Variants in HEPACAM observed in about 807,000 individuals in gnomAD.
HEPACAM encodes hepatocyte cell adhesion molecule.
HEPACAM carries 18 observed loss-of-function variants against 38.3 expected under a neutral mutation model. The ratio of observed to expected loss-of-function variants is 0.47; its 90% confidence interval spans 0.33 to 0.70. The LOEUF is 0.70. Ranked by LOEUF, HEPACAM falls within the 30% of genes least tolerant of loss-of-function variation. HEPACAM has a pLI of 0.03. For synonymous variants in HEPACAM, 216 were observed against 243.1 expected (o/e 0.89, Z 1.04); for missense variants, 466 against 563.0 (o/e 0.83, Z 1.74).
In HEPACAM at chr11:124,920,148, C is replaced by G; in HGVS notation, c.*990G>C. ...GGAAGCAATAAGCCTCCTCCTCCCC[C>G]CACCATTTCTCTGGAGATTAGGACT... is the stretch of plus-strand genomic sequence containing the variant. On this transcript the variant is annotated 3_prime_UTR_variant, in exon 7 of 7. Coordinates refer to ENST00000298251, the MANE Select transcript of HEPACAM (RefSeq NM_152722.5). 9.3e-7 allele frequency: 1 copy of G among 1,069,722 alleles called. No homozygotes were observed. Among genetic ancestry groups the G allele is most frequent in the Admixed American group, 2.4e-5 (1 of 40,854 alleles). The allele number at this position is 1,069,722 out of a possible 1,614,324, so 66.3% of individuals were successfully genotyped here.
Position 124,920,274 on chromosome 11 carries a change from G to A in HEPACAM, c.*864C>T. On this transcript the variant is annotated 3_prime_UTR_variant, in exon 7 of 7. Coordinates refer to ENST00000298251, the MANE Select transcript of HEPACAM (RefSeq NM_152722.5). ...GCCAGGAGGAATATATGAGTTTGAT[G>A]AGCTAAAACAGTTCCTCATTTGGTC... 4.0e-6 allele frequency: 4 copies of A among 998,592 alleles called. No individual in the cohort carries two copies. The highest frequency in any genetic ancestry group is 1.7e-5 in the South Asian group (1 of 59,188). The allele number at this position is 998,592 out of a possible 1,614,324, so 61.9% of individuals were successfully genotyped here.
chr11:124,929,623 GA>G (rs1947259439), intron 1 of HEPACAM, among the ~76,000 whole-genome samples: 1 of 152,162 alleles, frequency 6.6e-6, no homozygotes, highest in Admixed American at 6.6e-5. Context: ...TCATAATATA[GA>G]AAGTTTCTCT....
chr11:124,929,868 C>A (rs575198887), intron 1 of HEPACAM, among the ~76,000 whole-genome samples: 5 of 152,202 alleles, frequency 3.3e-5, no homozygotes, highest in African/African-American at 1.2e-4. Flanking sequence ...TTATGTGCTC[C>A]CTTTGCTGGG....
Position 124,920,930 on chromosome 11 carries a change from G to A in HEPACAM, c.*208C>T, listed in dbSNP as rs1947123267. The A allele has an allele frequency of 1.0e-5, 14 of 1,352,168 alleles. No homozygotes were observed. In the South Asian group the frequency reaches 2.3e-4, roughly 23 times the overall value. The allele number at this position is 1,352,168 out of a possible 1,614,324, so 83.8% of individuals were successfully genotyped here. A position where few individuals can be genotyped will look rare whatever the true frequency, so the allele number is the denominator to read the frequency against. On this transcript the variant is annotated 3_prime_UTR_variant, in exon 7 of 7. Coordinates refer to ENST00000298251, the MANE Select transcript of HEPACAM (RefSeq NM_152722.5). ...CACAGCCAGTAAACCGGAAGCAAAT[G>A]CGACCCGGTTTCACCATATCAACAC...
At position 124,920,116 on chromosome 11, in the gene HEPACAM, A is replaced by C. The variant is rs1947106758; in HGVS notation, c.*1022T>G. On this transcript the variant is annotated 3_prime_UTR_variant, in exon 7 of 7. Coordinates refer to ENST00000298251, the MANE Select transcript of HEPACAM (RefSeq NM_152722.5). The stretch of plus-strand genomic sequence containing the variant: ...CAGGGGTTGGATCATGTTCCCCCCA[A>C]ATGCTGGGAAGCAATAAGCCTCCTC... 1.5e-6 allele frequency: 2 copies of C among 1,351,390 alleles called. No homozygotes were observed. The highest frequency in any genetic ancestry group is 1.5e-5 in the African/African-American group (1 of 68,436). 83.7% of individuals were successfully genotyped at this position (1,351,390 alleles called of 1,614,324 possible). A position where few individuals can be genotyped will look rare whatever the true frequency, so the allele number is the denominator to read the frequency against.
rs1223447917 is a variant in HEPACAM at position 124,920,434 on chromosome 11, C to A, written c.*704G>T. 1.0e-5 allele frequency: 16 copies of A among 1,547,458 alleles called. No individual in the cohort carries two copies. The highest frequency in any genetic ancestry group is 1.4e-5 in the Non-Finnish European group (16 of 1,145,768). On this transcript the variant is annotated 3_prime_UTR_variant, in exon 7 of 7. Coordinates refer to ENST00000298251, the MANE Select transcript of HEPACAM (RefSeq NM_152722.5). ...TCCGAGGGAGGCTGTGGGAGGAGGC[C>A]AAGCTGGCAGGCTCGGGTTCTTTGC...
intron 3 of HEPACAM, 45 bp from the exon 4 acceptor site, chr11:124,923,478 G>T: frequency 7.2e-7 from 1 of 1,384,496 alleles, no homozygotes. Flanking sequence ...CTTCAAAGGG[G>T]CAAGATGTGG....
In HEPACAM at chr11:124,925,025, G is replaced by C; in HGVS notation, c.130C>G (p.His44Asp). ...AGAGCCGACTTCCCCACGGTGCCAT[G>C]GATCAGGCGCACGGGGCTGGTGATG... Reference protein sequence around the residue: ...VNITSPVRLIHGTVGKSALLS... With the variant: ...VNITSPVRLIDGTVGKSALLS... Residue 44 changes from histidine (H) to aspartate (D), a missense_variant, in exon 2 of 7, where the codon CAT (histidine) becomes GAT (aspartate). By Grantham distance (81) the His-to-Asp change is moderately conservative (BLOSUM62 -1). Transcript: ENST00000298251. 1 of 1,605,466 alleles carries C rather than the reference G, an allele frequency of 6.2e-7. No individual in the cohort carries two copies. Among genetic ancestry groups the C allele is most frequent in the Non-Finnish European group, 8.5e-7 (1 of 1,173,526 alleles).
At position 124,919,459 on chromosome 11, in the gene HEPACAM, C is replaced by G. The variant is rs959790154; in HGVS notation, c.*1679G>C. The G allele has an allele frequency of 1.4e-5, 6 of 438,542 alleles. No individual in the cohort carries two copies. The highest frequency in any genetic ancestry group is 5.9e-5 in the African/African-American group (3 of 51,228). 27.2% of individuals were successfully genotyped at this position (438,542 alleles called of 1,614,324 possible). A position where few individuals can be genotyped will look rare whatever the true frequency, so the allele number is the denominator to read the frequency against. On this transcript the variant is annotated 3_prime_UTR_variant, in exon 7 of 7. Coordinates refer to ENST00000298251, the MANE Select transcript of HEPACAM (RefSeq NM_152722.5). ...GGGTATGGCATGTTCTCATCTCACCCTAACCTTCACCTGTGCATCTCAAGG... is the reference window on the plus strand; with the variant it reads ...GGGTATGGCATGTTCTCATCTCACCGTAACCTTCACCTGTGCATCTCAAGG...
chr11:124,934,057 C>T (rs953415021), intron 1 of HEPACAM, among the ~76,000 whole-genome samples: 11 of 152,302 alleles, frequency 7.2e-5, no homozygotes, highest in Admixed American at 3.9e-4. Flanking sequence ...TACCTCTCTC[C>T]AACCCTGACC....
At position 124,923,417 on chromosome 11, in the gene HEPACAM, G is replaced by A. The variant is rs1030383504; in HGVS notation, c.726C>T (p.Tyr242=). The change falls in exon 4 of 7, where the codon TAC becomes TAT. Residue 242 remains tyrosine (Y), a synonymous_variant. Coordinates refer to ENST00000298251, the MANE Select transcript of HEPACAM (RefSeq NM_152722.5). The stretch of plus-strand genomic sequence containing the variant: ...AGATGCCTCCTGTAGACAAGATGAT[G>A]TAAAGGGAGCTTCTTCCTAGGGAGA... ...KITVYRRSSL[Y]IILSTGGIFL... 2 of 1,611,036 alleles carry A rather than the reference G, an allele frequency of 1.2e-6. No homozygotes were observed. Among genetic ancestry groups the A allele is most frequent in the African/African-American group, 2.7e-5 (2 of 74,848 alleles).
At position 124,921,555 on chromosome 11, in the gene HEPACAM, C is replaced by G; in HGVS notation, c.949-115G>C. The G allele has an allele frequency of 3.3e-6, 2 of 604,478 alleles. No individual in the cohort carries two copies. The highest frequency in any genetic ancestry group is 4.8e-6 in the Non-Finnish European group (2 of 416,420). The allele number at this position is 604,478 out of a possible 1,614,324, so 37.4% of individuals were successfully genotyped here. A position where few individuals can be genotyped will look rare whatever the true frequency, so the allele number is the denominator to read the frequency against. ...AGGGACCTAGTTTCCCTCTGCACGC[C>G]CACCTCCTGGAAGGCTGCAGACAGG... On this transcript the variant is annotated intron_variant, in intron 6 of 6. Transcript: ENST00000298251. This position sits in a 1 kb window ranked among gnomAD's most constrained non-coding sequence, Gnocchi z 4.6.
chr11:124,923,929 T>A lies in HEPACAM; in HGVS notation c.509A>T (p.His170Leu), dbSNP rs758713047. 1.2e-6 allele frequency: 2 copies of A among 1,613,204 alleles called. No individual in the cohort carries two copies. Among genetic ancestry groups the A allele is most frequent in the Non-Finnish European group, 8.5e-7 (1 of 1,180,020 alleles). Residue 170 changes from histidine (H) to leucine (L), a missense_variant, in exon 3 of 7, where the codon CAT becomes CTT. Transcript: ENST00000298251. ...LSEAFTLNCS[H>L]ENGTKPSYTW... ...GTAGCTGGGCTTGGTGCCATTCTCA[T>A]GTGAGCAGTTCAAGGTGAAGGCCTC...
At chr11:124,929,761 G>A (rs970997627) in intron 1 of HEPACAM, among the ~76,000 whole-genome samples, 1 of 152,046 alleles carries the variant, frequency 6.6e-6, no homozygotes, top group Non-Finnish European at 1.5e-5. Flanking sequence ...CTGCGATGCC[G>A]GGAATGTCAA....
chr11:124,920,307 C>A lies in HEPACAM; in HGVS notation c.*831G>T, dbSNP rs115556036. ...ACAGTTCCTCATTTGGTCTAGTTTT[C>A]GGGCCAGGGGAGTAAGTGAAATTCA... On this transcript the variant is annotated 3_prime_UTR_variant, in exon 7 of 7. Transcript: ENST00000298251. 1,372 of 1,289,320 alleles carry A rather than the reference C, an allele frequency of 1.1e-3. 13 individuals carry two copies. The African/African-American group carries it at 0.019, about 18-fold the overall frequency. The allele number at this position is 1,289,320 out of a possible 1,614,324, so 79.9% of individuals were successfully genotyped here.
chr11:124,922,567 A>G, intron 5 of HEPACAM, 109 bp from the exon 6 acceptor site: 2 of 1,598,988 alleles, frequency 1.3e-6, no homozygotes, highest in South Asian at 2.2e-5. Flanking sequence ...CCACCAACAT[A>G]TCTGAATATC....
chr11:124,930,668 T>C (rs1947271171), intron 1 of HEPACAM, among the ~76,000 whole-genome samples: 1 of 152,196 alleles, frequency 6.6e-6, no homozygotes, highest in Non-Finnish European at 1.5e-5. Flanking sequence ...GATCTTGACA[T>C]GAAGATAGAC....
chr11:124,925,059 C>G lies in HEPACAM; in HGVS notation c.96G>C (p.Glu32Asp), dbSNP rs768700664. The change falls in exon 2 of 7, where the codon GAG (glutamate) becomes GAC (aspartate). Residue 32 changes from glutamate to aspartate, a missense_variant. By Grantham distance (45) the Glu-to-Asp change is conservative. Coordinates refer to ENST00000298251, the MANE Select transcript of HEPACAM (RefSeq NM_152722.5). Reference sequence around the variant, plus strand: ...GCACGGGGCTGGTGATGTTCACCCCCTCCAGGGGGTCTGTGAACAGAGGCC... The same window carrying G: ...GCACGGGGCTGGTGATGTTCACCCCGTCCAGGGGGTCTGTGAACAGAGGCC... Reference protein sequence around the residue: ...YLLLIQTDPLEGVNITSPVRL... With the variant: ...YLLLIQTDPLDGVNITSPVRL... 57 of 1,590,188 alleles carry G rather than the reference C, an allele frequency of 3.6e-5. No individual in the cohort carries two copies. In the Admixed American group the frequency reaches 9.4e-4, roughly 26 times the overall value.
chr11:124,933,376 C>T (rs1193512335), intron 1 of HEPACAM, among the ~76,000 whole-genome samples: 2 of 151,184 alleles, frequency 1.3e-5, no homozygotes, highest in African/African-American at 4.8e-5. Flanking sequence ...TCGCCATGTT[C>T]CTCAGGCTGG....
Sources: gnomAD v4.1 joint callset for allele counts (sites outside exome capture counted in the v4.1 genomes callset) on GRCh38, gnomAD v4.1.1 for gene constraint, Gnocchi (gnomAD v3.1) non-coding constraint, MANE v1.5 for transcripts, NCBI Gene and HGNC (gene_info 2026-07-23, HGNC 2026-07-21) for gene names.